The following NTN1 variants were observed in gnomAD, a reference collection of about 807,000 sequenced individuals.
NTN1 encodes netrin 1.
In NTN1, 11 loss-of-function variants were observed where a neutral mutation model predicts 54.2. The observed-to-expected ratio is 0.20, with a 90% confidence interval of 0.13 to 0.34. NTN1 has a LOEUF of 0.34. NTN1 is among the 10% of genes least tolerant of loss of function. NTN1 has a pLI of 1.00. For synonymous variants in NTN1, 371 were observed against 382.0 expected, an observed-to-expected ratio of 0.97 and a Z score of 0.33; for missense variants, 740 against 893.1, an observed-to-expected ratio of 0.83 and a Z score of 2.18.
chr17:9,229,754 T>C (rs886591778), intron 6 of NTN1, among the ~76,000 whole-genome samples: 3 of 151,814 alleles, frequency 2.0e-5, no homozygotes, highest in African/African-American at 7.3e-5. Flanking sequence ...CAGAGGTGGA[T>C]TGGTGATGGG....
At chr17:9,043,900 T>C (rs1411999325) in intron 2 of NTN1, among the ~76,000 whole-genome samples, 1 of 152,010 alleles carries the variant, frequency 6.6e-6, no homozygotes, top group Admixed American at 6.6e-5. Context: ...ATTCTCTTAA[T>C]TTTTTTATCT....
upstream of NTN1, among the ~76,000 whole-genome samples, chr17:9,016,678 C>T (rs1383579266): frequency 6.6e-6 from 1 of 152,182 alleles, no homozygotes; most frequent in Non-Finnish European, 1.5e-5. Flanking sequence ...GTTTCCTCTT[C>T]CATCCTGTCC....
chr17:9,035,050 C>T (rs1486152893), intron 2 of NTN1, among the ~76,000 whole-genome samples: 2 of 152,136 alleles, frequency 1.3e-5, no homozygotes, highest in East Asian at 3.9e-4. Flanking sequence ...AGGTTCATGC[C>T]ATTCTCCTGC....
chr17:9,112,684 GC>G (rs968276535), intron 2 of NTN1, among the ~76,000 whole-genome samples: 1 of 151,904 alleles, frequency 6.6e-6, no homozygotes, highest in Non-Finnish European at 1.5e-5. Context: ...AATTAGCCGG[GC>G]GTGGTGGCAG....
At position 9,147,806 on chromosome 17, in the gene NTN1, C is replaced by T. The variant is rs549378316; in HGVS notation, c.1019-15007C>T. Among the ~76,000 whole-genome samples the T allele has an allele frequency of 6.6e-5, 10 of 152,312 alleles. No homozygotes were observed. The East Asian group carries it at 1.2e-3, about 18-fold the overall frequency. On this transcript the variant is annotated intron_variant, in intron 2 of 6. Coordinates refer to ENST00000173229, the MANE Select transcript of NTN1 (RefSeq NM_004822.3). ...TGATGGTAGGCCACCTAAAATCTTT[C>T]ATTAAATCTCATAGACACTTTACTG...
At chr17:9,045,693 T>G (rs544896397) in intron 2 of NTN1, among the ~76,000 whole-genome samples, 1 of 151,890 alleles carries the variant, frequency 6.6e-6, no homozygotes, top group South Asian at 2.1e-4. Flanking sequence ...GAAGGAGAGA[T>G]AAAAATAAGA....
upstream of NTN1, among the ~76,000 whole-genome samples, chr17:9,017,424 C>T (rs992556174): frequency 6.6e-6 from 1 of 152,170 alleles, no homozygotes; most frequent in East Asian, 1.9e-4. Context: ...CTTATCTTGA[C>T]CTTTAAGGCA....
At chr17:9,089,860 G>A (rs894636621) in intron 2 of NTN1, among the ~76,000 whole-genome samples, 4 of 152,136 alleles carry the variant, frequency 2.6e-5, no homozygotes, top group East Asian at 1.9e-4. Flanking sequence ...AGTTTCTGGC[G>A]GGGACTTGTT....
chr17:9,009,593 T>A, the NTN1 span, among the ~76,000 whole-genome samples: 1 of 152,242 alleles, frequency 6.6e-6, no homozygotes, highest in Non-Finnish European at 1.5e-5. Flanking sequence ...TCCTTGGAGT[T>A]AAATCCTCTA....
At position 9,239,828 on chromosome 17, in the gene NTN1, G is replaced by A. The variant is rs1419981732; in HGVS notation, c.1675G>A (p.Gly559Ser). 1.9e-6 allele frequency: 3 copies of A among 1,613,344 alleles called. No homozygotes were observed. Among genetic ancestry groups the A allele is most frequent in the African/African-American group, 2.7e-5 (2 of 74,936 alleles). ...GCCCCTCAAGAAGTACCTGCTGCTG[G>A]GCAACGCGGAGGACTCTCCGGACCA... ...IKPLKKYLLL[G>S]NAEDSPDQSG... Residue 559 changes from glycine to serine, a missense_variant, in exon 7 of 7, where the codon GGC becomes AGC. By Grantham distance (56) the Gly-to-Ser change is moderately conservative. Coordinates refer to ENST00000173229, the MANE Select transcript of NTN1 (RefSeq NM_004822.3). The surrounding 1 kb of genome is among the most constrained non-coding windows in gnomAD (Gnocchi z 5.2).
chr17:9,224,274 C>T (rs1905461026), intron 6 of NTN1, among the ~76,000 whole-genome samples: 1 of 152,328 alleles, frequency 6.6e-6, no homozygotes, highest in East Asian at 1.9e-4. Context: ...TCTCTGTCTG[C>T]CGAACCTGAC....
At chr17:9,159,909 G>C (rs569034062) in intron 2 of NTN1, among the ~76,000 whole-genome samples, 11 of 152,236 alleles carry the variant, frequency 7.2e-5, no homozygotes, top group African/African-American at 2.4e-4. Flanking sequence ...CATTGGAGCA[G>C]AGCACAAATA....
At chr17:9,017,456 AC>A (rs2091834153), upstream of NTN1, among the ~76,000 whole-genome samples, 1 of 151,794 alleles carries the variant, frequency 6.6e-6, no homozygotes, top group African/African-American at 2.4e-5. Context: ...ACTGCTCAGC[AC>A]CCCTCCTTCC....
At chr17:9,110,199 C>T (rs1432983965) in intron 2 of NTN1, among the ~76,000 whole-genome samples, 2 of 152,230 alleles carry the variant, frequency 1.3e-5, no homozygotes, top group Non-Finnish European at 2.9e-5. Context: ...GAAAACTTGA[C>T]GACATCCCTT....
chr17:9,164,053 C>A (rs1482080318), intron 3 of NTN1, among the ~76,000 whole-genome samples: 2 of 152,248 alleles, frequency 1.3e-5, no homozygotes, highest in African/African-American at 2.4e-5. Flanking sequence ...CACTGCTCAG[C>A]GTGTGGATGA....
chr17:9,071,660 G>C (rs897050652), intron 2 of NTN1, among the ~76,000 whole-genome samples: 1 of 152,190 alleles, frequency 6.6e-6, no homozygotes, highest in Non-Finnish European at 1.5e-5. Context: ...GCCCATGGGC[G>C]GGAGACCCTG....
In NTN1 at chr17:9,073,142, G is replaced by A. The variant is rs538069814; in HGVS notation, c.1018+49751G>A. 6.6e-5 allele frequency among the ~76,000 whole-genome samples: 10 copies of A among 152,356 alleles called. No homozygotes were observed. In the East Asian group the frequency reaches 1.2e-3, roughly 18 times the overall value. On this transcript the variant is annotated intron_variant, in intron 2 of 6. Transcript: ENST00000173229. ...GATTCACTTTGCACAGCGGAGGCCC[G>A]GCAAGGCCCAAGCAGCCATGCACAG... is the stretch of plus-strand genomic sequence containing the variant.
intron 2 of NTN1, among the ~76,000 whole-genome samples, chr17:9,106,582 C>T (rs952818129): frequency 3.3e-5 from 5 of 151,414 alleles, no homozygotes; most frequent in Admixed American, 6.6e-5. Context: ...GGTGCACGCT[C>T]GGCTCACTGC....
At position 9,212,119 on chromosome 17, in the gene NTN1, C is replaced by A. The variant is rs369986209; in HGVS notation, c.1412-9049C>A. On this transcript the variant is annotated intron_variant, in intron 5 of 6. Coordinates refer to ENST00000173229, the MANE Select transcript of NTN1 (RefSeq NM_004822.3). The surrounding 1 kb of genome is among the most constrained non-coding windows in gnomAD (Gnocchi z 5.5). ...GCTTGAGGGTGATGGATTGGGTCAG[C>A]GAGACTAGTACAGGCTTAGAGAGAT... is the stretch of plus-strand genomic sequence containing the variant. 6.6e-6 allele frequency among the ~76,000 whole-genome samples: 1 copy of A among 152,136 alleles called. No homozygotes were observed. Among genetic ancestry groups the A allele is most frequent in the Non-Finnish European group, 1.5e-5 (1 of 68,026 alleles).
Sources: allele counts gnomAD v4.1 joint callset (sites outside exome capture counted in the v4.1 genomes callset), GRCh38; gene constraint gnomAD v4.1.1; non-coding constraint Gnocchi (gnomAD v3.1); transcripts MANE v1.5; gene names NCBI Gene and HGNC (gene_info 2026-07-23, HGNC 2026-07-21).